MAP2: variants seen among roughly 807,000 people sequenced by gnomAD.
The protein encoded by MAP2 is microtubule-associated protein 2.
A neutral mutation model predicts 137.6 loss-of-function variants in MAP2; 14 were observed. That is an observed-to-expected ratio of 0.10 (90% CI 0.07 to 0.16). MAP2 has a LOEUF of 0.16. MAP2 is among the 10% of genes least tolerant of loss of function. The probability of loss-of-function intolerance (pLI) is 1.00; values close to 1 mark genes in which losing one functional copy is unlikely to be tolerated. For missense variants in MAP2, 2,088 were observed against 2,191.5 expected, an observed-to-expected ratio of 0.95 and a Z score of 0.94; for synonymous variants, 786 against 782.3, an observed-to-expected ratio of 1.00 and a Z score of -0.08.
Position 209,695,324 on chromosome 2 carries a change from G to A in MAP2, c.3154G>A (p.Asp1052Asn). 2 of 1,614,020 alleles carry A rather than the reference G, an allele frequency of 1.2e-6. No homozygotes were observed. The highest frequency in any genetic ancestry group is 1.1e-5 in the South Asian group (1 of 91,040). Reference protein sequence around the residue: ...VQGQLDVKISDFGQMASGLNI... With the variant: ...VQGQLDVKISNFGQMASGLNI... Reference sequence around the variant, plus strand: ...GGGTCAACTAGATGTTAAAATTAGTGACTTTGGACAGATGGCTTCAGGGCT... The same window carrying A: ...GGGTCAACTAGATGTTAAAATTAGTAACTTTGGACAGATGGCTTCAGGGCT... Residue 1052 changes from aspartate (D) to asparagine (N), a missense_variant, in exon 8 of 16, where the codon GAC (aspartate) becomes AAC (asparagine). By Grantham distance (23) the Asp-to-Asn change is conservative. Coordinates refer to ENST00000682079, the MANE Select transcript of MAP2 (RefSeq NM_001375505.1).
chr2:209,459,264 C>T (rs1702213136), intron 1 of MAP2, among the ~76,000 whole-genome samples: 2 of 152,036 alleles, frequency 1.3e-5, no homozygotes, highest in Non-Finnish European at 2.9e-5. Flanking sequence ...GAGATAATGC[C>T]ATTCATATAG....
At chr2:209,638,237 C>T (rs1393409896) in intron 4 of MAP2, among the ~76,000 whole-genome samples, 3 of 152,018 alleles carry the variant, frequency 2.0e-5, no homozygotes, top group Non-Finnish European at 4.4e-5. Flanking sequence ...CACTCTGGGG[C>T]ACACTAAGAT....
intron 1 of MAP2, among the ~76,000 whole-genome samples, chr2:209,498,334 A>G (rs1361050236): frequency 6.6e-6 from 1 of 152,330 alleles, no homozygotes; most frequent in African/African-American, 2.4e-5. Flanking sequence ...TTAGCTTTGC[A>G]GGGTGCATCC....
chr2:209,487,765 C>T (rs1204025922), intron 1 of MAP2, among the ~76,000 whole-genome samples: 7 of 152,192 alleles, frequency 4.6e-5, no homozygotes, highest in Admixed American at 4.6e-4. Flanking sequence ...CAGCATTATT[C>T]AGATGCATTT....
intron 13 of MAP2, among the ~76,000 whole-genome samples, chr2:209,714,104 G>C (rs1194880361): frequency 2.0e-5 from 3 of 152,162 alleles, no homozygotes; most frequent in African/African-American, 7.2e-5. Flanking sequence ...GGGAGGCTGA[G>C]GCAGGAGAAT....
intron 2 of MAP2, among the ~76,000 whole-genome samples, chr2:209,522,549 A>G (rs1229921903): frequency 6.6e-6 from 1 of 152,178 alleles, no homozygotes; most frequent in East Asian, 1.9e-4. Flanking sequence ...ATAATCAAGC[A>G]TTGTATTTCT....
intron 3 of MAP2, among the ~76,000 whole-genome samples, chr2:209,586,218 G>GA (rs1235993022): frequency 2.6e-5 from 4 of 152,108 alleles, no homozygotes; most frequent in African/African-American, 9.7e-5. Context: ...TATTAACATG[G>GA]AAAATCACAA....
intron 13 of MAP2, among the ~76,000 whole-genome samples, chr2:209,715,727 C>T (rs968047813): frequency 1.3e-5 from 2 of 152,196 alleles, no homozygotes; most frequent in African/African-American, 2.4e-5. Flanking sequence ...GCAAAGGGAA[C>T]CACACATCCA....
chr2:209,702,661 T>C (rs2062106118), intron 11 of MAP2, among the ~76,000 whole-genome samples: 1 of 152,060 alleles, frequency 6.6e-6, no homozygotes. Flanking sequence ...ATAGTTGTCT[T>C]TCTTAACTAC....
At chr2:209,448,341 C>T (rs1212451388) in intron 1 of MAP2, among the ~76,000 whole-genome samples, 1 of 152,120 alleles carries the variant, frequency 6.6e-6, no homozygotes, top group Non-Finnish European at 1.5e-5. Flanking sequence ...GACCCTAAAG[C>T]TGGCAGCCAA....
intron 11 of MAP2, among the ~76,000 whole-genome samples, chr2:209,702,322 CT>C (rs2061990414): frequency 6.6e-6 from 1 of 152,036 alleles, no homozygotes; most frequent in South Asian, 2.1e-4. Flanking sequence ...TTCATTCTTT[CT>C]TTTTTTCTCA....
At chr2:209,525,534 A>G (rs561845892) in intron 2 of MAP2, among the ~76,000 whole-genome samples, 2 of 152,172 alleles carry the variant, frequency 1.3e-5, no homozygotes, top group Non-Finnish European at 2.9e-5. Context: ...CTGACAAAGC[A>G]AGCCCATTCC....
At chr2:209,528,925 T>C (rs927680560) in intron 2 of MAP2, among the ~76,000 whole-genome samples, 1 of 146,768 alleles carries the variant, frequency 6.8e-6, no homozygotes, top group Non-Finnish European at 1.5e-5. Context: ...CACACATACA[T>C]ATATATACAT....
chr2:209,462,907 A>G (rs1201791575), intron 1 of MAP2, among the ~76,000 whole-genome samples: 3 of 152,092 alleles, frequency 2.0e-5, no homozygotes, highest in East Asian at 1.9e-4. Flanking sequence ...TGGGAGCCCA[A>G]TCTCTTTAAA....
At chr2:209,643,612 C>A (rs1468957072) in intron 4 of MAP2, among the ~76,000 whole-genome samples, 1 of 152,144 alleles carries the variant, frequency 6.6e-6, no homozygotes. Flanking sequence ...TTAATGAATG[C>A]TAAGGGGTGT....
In MAP2 at chr2:209,444,604, G is replaced by T. The variant is rs1490358700; in HGVS notation, c.-222+20328G>T. Among the ~76,000 whole-genome samples, 5 of 151,412 alleles carry T rather than the reference G, an allele frequency of 3.3e-5. No individual in the cohort carries two copies. In the East Asian group the frequency reaches 9.7e-4, roughly 29 times the overall value. On this transcript the variant is annotated intron_variant, in intron 1 of 15. Coordinates refer to ENST00000682079, the MANE Select transcript of MAP2 (RefSeq NM_001375505.1). ...CAGTTTAGTAAAATTAAGATATTTT[G>T]TCAGAGGGAAAATGAAAATTAAAGT...
chr2:209,564,996 A>G (rs982247877), intron 2 of MAP2, among the ~76,000 whole-genome samples: 1 of 152,066 alleles, frequency 6.6e-6, no homozygotes, highest in African/African-American at 2.4e-5. Context: ...CCTTGCTGTG[A>G]ACACCTCAGT....
chr2:209,615,045 A>G (rs567036157), intron 3 of MAP2, among the ~76,000 whole-genome samples: 1 of 152,258 alleles, frequency 6.6e-6, no homozygotes, highest in African/African-American at 2.4e-5. Flanking sequence ...CCTTTCCTAA[A>G]TGCATGCCTT....
chr2:209,558,919 A>G (rs2071328826), intron 2 of MAP2, among the ~76,000 whole-genome samples: 2 of 151,878 alleles, frequency 1.3e-5, no homozygotes, highest in Admixed American at 1.3e-4. Flanking sequence ...ATGATATTGG[A>G]CACTTTTTAT....
Sources: gnomAD v4.1 joint callset for allele counts (sites outside exome capture counted in the v4.1 genomes callset) on GRCh38, gnomAD v4.1.1 for gene constraint, MANE v1.5 for transcripts, NCBI Gene and HGNC (gene_info 2026-07-23, HGNC 2026-07-21) for gene names.